Variants in PPP1R14A observed in about 807,000 individuals in gnomAD.
PPP1R14A encodes the protein protein phosphatase 1 regulatory inhibitor subunit 14A, also known as protein phosphatase 1 regulatory subunit 14A.
PPP1R14A carries 9 observed loss-of-function variants against 14.1 expected under a neutral mutation model. The observed-to-expected ratio is 0.64, with a 90% CI of 0.38 to 1.11. The LOEUF is 1.11. PPP1R14A is among the 50% of genes most tolerant of loss of function. PPP1R14A has a pLI of 0.01. For missense variants in PPP1R14A, 208 were observed against 200.7 expected (o/e 1.04, Z -0.22); for synonymous variants, 93 against 88.7 (o/e 1.05, Z -0.27).
intron 3 of PPP1R14A, 102 bp from the exon 4 acceptor site, chr19:38,251,548 G>A: frequency 1.1e-6 from 1 of 945,230 alleles, no homozygotes; most frequent in Non-Finnish European, 1.5e-6. Context: ...CCTGTTCTCT[G>A]ATTGTGGGGT....
intron 1 of PPP1R14A, among the ~76,000 whole-genome samples, chr19:38,255,600 A>G (rs1968238077): frequency 6.7e-6 from 1 of 149,918 alleles, no homozygotes; most frequent in African/African-American, 2.5e-5. Context: ...CTGTGACTGT[A>G]GCATATGTTG....
At position 38,252,488 on chromosome 19, in the gene PPP1R14A, C is replaced by G; in HGVS notation, c.283-150G>C. 1 of 802,948 alleles carries G rather than the reference C, an allele frequency of 1.2e-6. No individual in the cohort carries two copies. The highest frequency in any genetic ancestry group is 2.7e-5 in the East Asian group (1 of 37,638). 49.7% of individuals were successfully genotyped at this position (802,948 alleles called of 1,614,324 possible). A position where few individuals can be genotyped will look rare whatever the true frequency, so the allele number is the denominator to read the frequency against. ...TGCCCACCAAGCTTCAAGAGAGGAA[C>G]AGAGCCCAAGGGGCATGTGGATCGA... On this transcript the variant is annotated intron_variant, in intron 2 of 3. Transcript: ENST00000301242. This position sits in a 1 kb window ranked among gnomAD's most constrained non-coding sequence, Gnocchi z 4.1.
chr19:38,252,272 A>T lies in PPP1R14A; in HGVS notation c.315+34T>A. 6.2e-7 allele frequency: 1 copy of T among 1,606,474 alleles called. No homozygotes were observed. The highest frequency in any genetic ancestry group is 8.5e-7 in the Non-Finnish European group (1 of 1,175,670). The stretch of plus-strand genomic sequence containing the variant: ...CTCCCCCATCAGAGTACTTGGGGCC[A>T]GAACAGGGAGAGAATGAGGGAGAGA... On this transcript the variant is annotated intron_variant, in intron 3 of 3. Transcript: ENST00000301242. The surrounding 1 kb of genome is among the most constrained non-coding windows in gnomAD (Gnocchi z 4.1).
chr19:38,255,897 GC>G (rs1968242096), intron 1 of PPP1R14A, among the ~76,000 whole-genome samples: 3 of 151,622 alleles, frequency 2.0e-5, no homozygotes, highest in Non-Finnish European at 4.4e-5. Flanking sequence ...CCCTCCACAG[GC>G]GTTTGGACAC....
rs766438779 is a variant in PPP1R14A, at chr19:38,251,297, G to A, written c.*21C>T. On this transcript the variant is annotated 3_prime_UTR_variant, in exon 4 of 4. Coordinates refer to ENST00000301242, the MANE Select transcript of PPP1R14A (RefSeq NM_033256.3). ...CAAGCAAGCTGGGCGGCGTCCGGGG[G>A]GCAGGGAGAGTGCAAGAGGGTCAGG... 6.9e-7 allele frequency: 1 copy of A among 1,450,530 alleles called. No individual in the cohort carries two copies. The highest frequency in any genetic ancestry group is 3.4e-5 in the Admixed American group (1 of 29,478). 89.9% of individuals were successfully genotyped at this position (1,450,530 alleles called of 1,614,324 possible). A position where few individuals can be genotyped will look rare whatever the true frequency, so the allele number is the denominator to read the frequency against.
Position 38,251,334 on chromosome 19 carries a change from C to T in PPP1R14A, c.428G>A (p.Arg143Gln), listed in dbSNP as rs147428443. 7.4e-5 allele frequency: 112 copies of T among 1,521,566 alleles called. No homozygotes were observed. The highest frequency in any genetic ancestry group is 8.7e-5 in the African/African-American group (6 of 68,732). The allele number at this position is 1,521,566 out of a possible 1,614,324, so 94.3% of individuals were successfully genotyped here. The change falls in exon 4 of 4, where the codon CGG becomes CAG. Residue 143 changes from arginine (R) to glutamine (Q), a missense_variant. By Grantham distance (43) the Arg-to-Gln change is conservative. Transcript: ENST00000301242. The stretch of plus-strand genomic sequence containing the variant: ...GCAAGAGGGTCAGGGGTGAGCAGTC[C>T]GGGCCCGGTCCTGGAGGGGGCTGAG... The part of the protein sequence containing the change: ...GSLSPLQDRA[R>Q]TAHP
rs139015820 is a variant in PPP1R14A at position 38,252,953 on chromosome 19, T to C, written c.223A>G (p.Ile75Val). The stretch of plus-strand genomic sequence containing the variant: ...AACTCCAACAATTCATCAATGTTGA[T>C]CTCATCGGGCATGTCTGCCTCCTAG... ...RGMEADMPDE[I>V]NIDELLELES... Residue 75 changes from isoleucine to valine, a missense_variant, in exon 2 of 4, where the codon ATC (isoleucine) becomes GTC (valine). Coordinates refer to ENST00000301242, the MANE Select transcript of PPP1R14A (RefSeq NM_033256.3). The surrounding 1 kb of genome is among the most constrained non-coding windows in gnomAD (Gnocchi z 4.1). 3.1e-6 allele frequency: 5 copies of C among 1,613,884 alleles called. No individual in the cohort carries two copies. The highest frequency in any genetic ancestry group is 1.3e-5 in the African/African-American group (1 of 74,922).
chr19:38,255,442 T>C (rs1039148247), intron 1 of PPP1R14A, among the ~76,000 whole-genome samples: 1 of 152,168 alleles, frequency 6.6e-6, no homozygotes, highest in African/African-American at 2.4e-5. Flanking sequence ...TGTCTTTGAG[T>C]GGCTGCGGAT....
In PPP1R14A at chr19:38,251,977, G is replaced by A. The variant is rs1262108477; in HGVS notation, c.315+329C>T. On this transcript the variant is annotated intron_variant, in intron 3 of 3. Transcript: ENST00000301242. The stretch of plus-strand genomic sequence containing the variant: ...CCCCCAGAGGTGGGGAAGGGAGCCC[G>A]GGGTGGCGGAGGCAGTGACAGGGGA... 12 of 428,954 alleles carry A rather than the reference G, an allele frequency of 2.8e-5. No homozygotes were observed. In the East Asian group the frequency reaches 3.6e-4, roughly 13 times the overall value. The allele number at this position is 428,954 out of a possible 1,614,324, so 26.6% of individuals were successfully genotyped here.
chr19:38,256,147 G>A lies in PPP1R14A; in HGVS notation c.193C>T (p.Arg65Cys), dbSNP rs199500628. 1,025 of 1,545,500 alleles carry A rather than the reference G, an allele frequency of 6.6e-4. 3 individuals carry two copies. In the Middle Eastern group the frequency reaches 0.012, roughly 17 times the overall value. The change falls in exon 1 of 4, where the codon CGC (arginine) becomes TGC (cysteine). Residue 65 changes from arginine (R) to cysteine (C), a missense_variant. Physicochemically the swap from Arg to Cys is radical, Grantham distance 180. Coordinates refer to ENST00000301242, the MANE Select transcript of PPP1R14A (RefSeq NM_033256.3). This position sits in a 1 kb window ranked among gnomAD's most constrained non-coding sequence, Gnocchi z 5.7. ...WIDGRLEELY[R>C]GMEADMPDEI... ...GCCCTCCCCGGGCTCACCATGCCGC[G>A]GTACAGCTCCTCCAGGCGCCCGTCG... is the stretch of plus-strand genomic sequence containing the variant.
chr19:38,252,194 G>A lies in PPP1R14A; in HGVS notation c.315+112C>T, dbSNP rs2146255037. ...CTGCGGAGGGCAGGTTGGGGCCGGGGGTGGTGGGGCCGGGTGGTGTTCCCC... is the reference window on the plus strand; with the variant it reads ...CTGCGGAGGGCAGGTTGGGGCCGGGAGTGGTGGGGCCGGGTGGTGTTCCCC... On this transcript the variant is annotated intron_variant, in intron 3 of 3. Coordinates refer to ENST00000301242, the MANE Select transcript of PPP1R14A (RefSeq NM_033256.3). The surrounding 1 kb of genome is among the most constrained non-coding windows in gnomAD (Gnocchi z 4.1). 1 of 1,015,530 alleles carries A rather than the reference G, an allele frequency of 9.8e-7. No individual in the cohort carries two copies. Among genetic ancestry groups the A allele is most frequent in the Non-Finnish European group, 1.5e-6 (1 of 666,538 alleles). 62.9% of individuals were successfully genotyped at this position (1,015,530 alleles called of 1,614,324 possible).
chr19:38,255,250 A>C (rs1462862181), intron 1 of PPP1R14A, among the ~76,000 whole-genome samples: 1 of 151,898 alleles, frequency 6.6e-6, no homozygotes, highest in Non-Finnish European at 1.5e-5. Flanking sequence ...CAGCCTCCTG[A>C]GGAGCTGAGA....
chr19:38,255,995 T>A, intron 1 of PPP1R14A, 144 bp downstream of exon 1: 1 of 701,790 alleles, frequency 1.4e-6, no homozygotes, highest in South Asian at 2.0e-5. Flanking sequence ...GGCCAATGAG[T>A]GCCCGGCCCT....
intron 1 of PPP1R14A, 175 bp from the exon 2 acceptor site, chr19:38,253,149 G>A (rs1428974057): frequency 3.4e-6 from 2 of 596,304 alleles, no homozygotes; most frequent in Non-Finnish European, 6.0e-6. Flanking sequence ...TGGGGGGGAG[G>A]GGTGACAGAT....
chr19:38,251,808 G>T (rs1968193704), intron 3 of PPP1R14A: 3 of 369,730 alleles, frequency 8.1e-6, no homozygotes, highest in Admixed American at 8.7e-5. Flanking sequence ...CAGGTCCCCA[G>T]AGATAGATCC....
intron 1 of PPP1R14A, chr19:38,253,212 C>T: frequency 4.1e-6 from 2 of 484,400 alleles, no homozygotes; most frequent in Non-Finnish European, 3.7e-6. Flanking sequence ...GGCCCATGGG[C>T]CCCGGGAGCC....
chr19:38,255,565 C>T (rs1968237700), intron 1 of PPP1R14A, among the ~76,000 whole-genome samples: 1 of 152,220 alleles, frequency 6.6e-6, no homozygotes, highest in Middle Eastern at 3.4e-3. Flanking sequence ...ACGGCTGTGG[C>T]CCATGCCGCT....
chr19:38,251,790 T>A lies in PPP1R14A; in HGVS notation c.316-344A>T, dbSNP rs560747163. On this transcript the variant is annotated intron_variant, in intron 3 of 3. Coordinates refer to ENST00000301242, the MANE Select transcript of PPP1R14A (RefSeq NM_033256.3). ...AAGGACAGAGAAAGAAACAGAGACATGTGGAGACAGGTCCCCAGAGATAGA... is the reference window on the plus strand; with the variant it reads ...AAGGACAGAGAAAGAAACAGAGACAAGTGGAGACAGGTCCCCAGAGATAGA... The A allele has an allele frequency of 8.0e-5, 30 of 372,838 alleles. 1 individual carries two copies. In the East Asian group the frequency reaches 1.3e-3, roughly 16 times the overall value. 23.1% of individuals were successfully genotyped at this position (372,838 alleles called of 1,614,324 possible).
At position 38,252,217 on chromosome 19, in the gene PPP1R14A, C is replaced by G. The variant is rs375738318; in HGVS notation, c.315+89G>C. 1.7e-4 allele frequency: 231 copies of G among 1,354,290 alleles called. No individual in the cohort carries two copies. In the African/African-American group the frequency reaches 2.8e-3, roughly 16 times the overall value. 83.9% of individuals were successfully genotyped at this position (1,354,290 alleles called of 1,614,324 possible). A position where few individuals can be genotyped will look rare whatever the true frequency, so the allele number is the denominator to read the frequency against. On this transcript the variant is annotated intron_variant, in intron 3 of 3. Coordinates refer to ENST00000301242, the MANE Select transcript of PPP1R14A (RefSeq NM_033256.3). This position sits in a 1 kb window ranked among gnomAD's most constrained non-coding sequence, Gnocchi z 4.1. ...GGGGTGGTGGGGCCGGGTGGTGTTCCCCAGAGACCCTTCTGCCAGCTTCTT... is the reference window on the plus strand; with the variant it reads ...GGGGTGGTGGGGCCGGGTGGTGTTCGCCAGAGACCCTTCTGCCAGCTTCTT...
Sources: allele counts gnomAD v4.1 joint callset (sites outside exome capture counted in the v4.1 genomes callset), GRCh38; gene constraint gnomAD v4.1.1; non-coding constraint Gnocchi (gnomAD v3.1); transcripts MANE v1.5; gene names NCBI Gene and HGNC (gene_info 2026-07-23, HGNC 2026-07-21).